MYOF: variants seen among roughly 807,000 people sequenced by gnomAD.
MYOF encodes fer-1-like 3, myoferlin.
MYOF carries 244 observed loss-of-function variants against 284.2 expected under a neutral mutation model. The ratio of observed to expected loss-of-function variants is 0.86; its 90% CI spans 0.77 to 0.95. The LOEUF (loss-of-function observed/expected upper bound fraction) is 0.95. MYOF is among the 40% of genes least tolerant of loss of function. The pLI is 0.00. For missense variants in MYOF, 2,496 were observed against 2,560.6 expected (o/e 0.97, Z 0.54); for synonymous variants, 904 against 919.7 (o/e 0.98, Z 0.31).
At chr10:93,458,072 G>C (rs376413314) in intron 1 of MYOF, among the ~76,000 whole-genome samples, 4 of 152,044 alleles carry the variant, frequency 2.6e-5, no homozygotes, top group African/African-American at 9.7e-5. Flanking sequence ...CCTAGGAGAA[G>C]CCAGGTGAGG....
intron 5 of MYOF, among the ~76,000 whole-genome samples, chr10:93,411,980 T>C (rs898328937): frequency 2.0e-5 from 3 of 152,226 alleles, no homozygotes; most frequent in Non-Finnish European, 2.9e-5. Flanking sequence ...CTCTGTCCTC[T>C]GATCCTTTGA....
At chr10:93,309,766 T>A (rs917719096) in intron 53 of MYOF, among the ~76,000 whole-genome samples, 2 of 152,182 alleles carry the variant, frequency 1.3e-5, no homozygotes, top group East Asian at 1.9e-4. Context: ...CCTGAGTGAT[T>A]TCTCCTAGAA....
rs1168608311 is a variant in MYOF at position 93,347,744 on chromosome 10, C to T, written c.4122G>A (p.Val1374=). ...ACTGCCTGTGGTCGATGACCTTGAT[C>T]ACCAGTGGGGGCATGTACAATTCCT... is the stretch of plus-strand genomic sequence containing the variant. ...PKEELYMPPL[V]IKVIDHRQFG... Residue 1374 remains valine, a synonymous_variant, in exon 37 of 54, where the codon GTG becomes GTA. Transcript: ENST00000359263. The T allele has an allele frequency of 1.9e-6, 3 of 1,613,914 alleles. No individual in the cohort carries two copies. Among genetic ancestry groups the T allele is most frequent in the Admixed American group, 3.3e-5 (2 of 59,980 alleles).
intron 43 of MYOF, 41 bp downstream of exon 43, chr10:93,333,180 G>T (rs758901042): frequency 2.0e-6 from 3 of 1,518,276 alleles, no homozygotes; most frequent in South Asian, 2.2e-5. Flanking sequence ...ATGTTCCGTG[G>T]AGAAATGAAG....
At chr10:93,412,624 G>C (rs1257570998) in intron 5 of MYOF, among the ~76,000 whole-genome samples, 1 of 152,068 alleles carries the variant, frequency 6.6e-6, no homozygotes, top group Non-Finnish European at 1.5e-5. Flanking sequence ...CAACCCATAG[G>C]CTTCCCCTAC....
chr10:93,416,051 A>G (rs2134152131), intron 5 of MYOF, among the ~76,000 whole-genome samples: 1 of 152,286 alleles, frequency 6.6e-6, no homozygotes, highest in Non-Finnish European at 1.5e-5. Flanking sequence ...CTAGGCCACT[A>G]AAGACTTTCA....
intron 19 of MYOF, among the ~76,000 whole-genome samples, chr10:93,383,149 G>A (rs750209828): frequency 2.0e-5 from 3 of 152,048 alleles, no homozygotes; most frequent in Middle Eastern, 3.4e-3. Context: ...TGCCTGCCTC[G>A]GCCTCCCAAA....
intron 19 of MYOF, among the ~76,000 whole-genome samples, chr10:93,382,829 A>G (rs1012039810): frequency 3.3e-5 from 5 of 152,168 alleles, no homozygotes; most frequent in African/African-American, 1.2e-4. Flanking sequence ...TCCTGTGTCT[A>G]TTCTAGAACT....
At chr10:93,329,022 A>T in intron 44 of MYOF, 111 bp from the exon 45 acceptor site, 2 of 1,044,000 alleles carry the variant, frequency 1.9e-6, no homozygotes, top group Non-Finnish European at 1.3e-6. Context: ...TGGGTGCAGA[A>T]AATCTGCGCT....
rs556892907 is a variant in MYOF, at chr10:93,325,635, A to G, written c.5271+191T>C. Reference sequence around the variant, plus strand: ...TGTTCTGAGTCATGGCCAATCTCCTATCTAGATTTAGAGAGTTACCTGAAA... The same window carrying G: ...TGTTCTGAGTCATGGCCAATCTCCTGTCTAGATTTAGAGAGTTACCTGAAA... On this transcript the variant is annotated intron_variant, in intron 46 of 53. Coordinates refer to ENST00000359263, the MANE Select transcript of MYOF (RefSeq NM_013451.4). Among the ~76,000 whole-genome samples the G allele has an allele frequency of 5.9e-5, 9 of 152,328 alleles. No individual in the cohort carries two copies. The South Asian group carries it at 1.7e-3, about 28-fold the overall frequency.
At position 93,306,892 on chromosome 10, in the gene MYOF, C is replaced by T. The variant is rs952306611; in HGVS notation, c.*71G>A. The stretch of plus-strand genomic sequence containing the variant: ...GTGTGGTCTCAGACACAAAATCACA[C>T]TGGATGTTGGTCTACAGAGGCAGGA... On this transcript the variant is annotated 3_prime_UTR_variant, in exon 54 of 54. Transcript: ENST00000359263. 25 of 1,490,790 alleles carry T rather than the reference C, an allele frequency of 1.7e-5. No individual in the cohort carries two copies. The highest frequency in any genetic ancestry group is 1.2e-4 in the Admixed American group (7 of 57,642). 92.3% of individuals were successfully genotyped at this position (1,490,790 alleles called of 1,614,324 possible). A position where few individuals can be genotyped will look rare whatever the true frequency, so the allele number is the denominator to read the frequency against.
chr10:93,461,986 T>A (rs1359798653), intron 1 of MYOF, among the ~76,000 whole-genome samples: 1 of 152,188 alleles, frequency 6.6e-6, no homozygotes, highest in African/African-American at 2.4e-5. Flanking sequence ...GGTGGAGCTA[T>A]TCAACCAGAA....
At chr10:93,459,641 C>T (rs1289689777) in intron 1 of MYOF, among the ~76,000 whole-genome samples, 6 of 152,168 alleles carry the variant, frequency 3.9e-5, no homozygotes, top group Non-Finnish European at 5.9e-5. Context: ...AATGAAGATT[C>T]GTAAATGTAA....
intron 38 of MYOF, among the ~76,000 whole-genome samples, chr10:93,342,985 T>C (rs1156259390): frequency 1.3e-5 from 2 of 152,182 alleles, no homozygotes; most frequent in Non-Finnish European, 1.5e-5. Context: ...TGCACAGTGC[T>C]GGCTGTGGAG....
intron 23 of MYOF, among the ~76,000 whole-genome samples, chr10:93,373,430 C>A (rs1845684069): frequency 6.6e-6 from 1 of 152,188 alleles, no homozygotes; most frequent in Non-Finnish European, 1.5e-5. Context: ...CAAAAGGTTA[C>A]AGATTGCATA....
At chr10:93,438,933 T>C (rs1335564284) in intron 3 of MYOF, among the ~76,000 whole-genome samples, 1 of 152,162 alleles carries the variant, frequency 6.6e-6, no homozygotes, top group Non-Finnish European at 1.5e-5. Context: ...TTGCGGCTCT[T>C]TTCCTGCTCA....
intron 27 of MYOF, among the ~76,000 whole-genome samples, chr10:93,361,845 C>G (rs1445152927): frequency 6.6e-6 from 1 of 152,180 alleles, no homozygotes; most frequent in Non-Finnish European, 1.5e-5. Context: ...TCAGCAATTT[C>G]TTATGGTTCA....
chr10:93,311,257 A>G (rs1356053847), intron 51 of MYOF, among the ~76,000 whole-genome samples: 2 of 152,162 alleles, frequency 1.3e-5, no homozygotes, highest in Non-Finnish European at 2.9e-5. Flanking sequence ...CAAAGGTACT[A>G]TTATTGTCCT....
At chr10:93,426,304 G>T in intron 4 of MYOF, 146 bp from the exon 5 acceptor site, 2 of 751,318 alleles carry the variant, frequency 2.7e-6, no homozygotes, top group East Asian at 2.8e-5. Context: ...ACGGGGAGAG[G>T]GACACAAGCT....
Sources: allele counts gnomAD v4.1 joint callset (sites outside exome capture counted in the v4.1 genomes callset), GRCh38; gene constraint gnomAD v4.1.1; transcripts MANE v1.5; gene names NCBI Gene and HGNC (gene_info 2026-07-23, HGNC 2026-07-21).